The following HECTD2 variants were observed in gnomAD, a reference collection of about 807,000 sequenced individuals.
HECTD2 encodes HECT domain E3 ubiquitin protein ligase 2, also known as probable E3 ubiquitin-protein ligase HECTD2.
A neutral mutation model predicts 103.2 loss-of-function variants in HECTD2; 35 were observed. The observed-to-expected ratio is 0.34, with a 90% CI of 0.26 to 0.45. The LOEUF is 0.45. Ranked by LOEUF, HECTD2 falls within the 20% of genes least tolerant of loss-of-function variation. The probability of loss-of-function intolerance (pLI) is 1.00; values close to 1 mark genes in which losing one functional copy is unlikely to be tolerated. For synonymous variants in HECTD2, 281 were observed against 329.9 expected, an observed-to-expected ratio of 0.85 and a Z score of 1.61; for missense variants, 596 against 937.4, an observed-to-expected ratio of 0.64 and a Z score of 4.76.
intron 2 of HECTD2, among the ~76,000 whole-genome samples, chr10:91,428,675 G>C (rs932412443): frequency 2.4e-4 from 37 of 151,602 alleles, no homozygotes; most frequent in Non-Finnish European, 4.3e-4. Flanking sequence ...TTGGCTCTCT[G>C]TTTGTCTGTT....
In HECTD2 at chr10:91,425,321, G is replaced by A; in HGVS notation, c.179G>A (p.Ser60Asn). The change falls in exon 2 of 21, where the codon AGC (serine) becomes AAC (asparagine). Residue 60 changes from serine to asparagine, a missense_variant. Physicochemically the swap from Ser to Asn is conservative, Grantham distance 46. Transcript: ENST00000298068. ...GCCAAAGGCCAAATTTCCACTTTCA[G>A]CAGTTTTATTTCAGCTGTTAGCCCG... ...RGAKGQISTF[S>N]SFISAVSPKK... is the part of the protein sequence containing the mutation. The A allele has an allele frequency of 6.5e-7, 1 of 1,541,578 alleles. No homozygotes were observed. The highest frequency in any genetic ancestry group is 8.8e-7 in the Non-Finnish European group (1 of 1,137,512).
At chr10:91,482,306 T>C (rs1295608812) in intron 7 of HECTD2, among the ~76,000 whole-genome samples, 1 of 151,938 alleles carries the variant, frequency 6.6e-6, no homozygotes, top group East Asian at 1.9e-4. Context: ...TTCCATGATG[T>C]GCTGAAATGT....
At chr10:91,429,192 A>G (rs1029224750) in intron 2 of HECTD2, among the ~76,000 whole-genome samples, 3 of 151,902 alleles carry the variant, frequency 2.0e-5, no homozygotes, top group Admixed American at 1.3e-4. Flanking sequence ...ATTGATTTGC[A>G]TATATTGAAC....
At chr10:91,488,899 T>C (rs1283837751) in intron 11 of HECTD2, 2 of 152,128 alleles carry the variant, frequency 1.3e-5, no homozygotes, top group African/African-American at 4.8e-5. Context: ...GCACCAGAAT[T>C]GTTACTTGAT....
chr10:91,499,798 A>G (rs1846822514), intron 18 of HECTD2, among the ~76,000 whole-genome samples: 1 of 152,174 alleles, frequency 6.6e-6, no homozygotes, highest in Middle Eastern at 3.2e-3. Context: ...TTTCATTTGA[A>G]TTATTTTTCA....
chr10:91,504,043 C>A (rs1442345570), intron 20 of HECTD2, among the ~76,000 whole-genome samples: 2 of 152,126 alleles, frequency 1.3e-5, no homozygotes, highest in Non-Finnish European at 2.9e-5. Flanking sequence ...GCAGGGTACT[C>A]CAACAGACCT....
chr10:91,437,619 C>CTTTTTTTTTTTTTTTTTTTGTTT (rs1844179173), intron 2 of HECTD2, among the ~76,000 whole-genome samples: 1 of 87,422 alleles, frequency 1.1e-5, no homozygotes, highest in Non-Finnish European at 2.7e-5. Flanking sequence ...GATGGTTGTT[C>CTTTTTTTTTTTTTTTTTTTGTTT]TTTTTTTTTT....
chr10:91,507,600 C>T (rs1300378498), intron 20 of HECTD2, among the ~76,000 whole-genome samples: 6 of 150,774 alleles, frequency 4.0e-5, no homozygotes, highest in Non-Finnish European at 7.4e-5. Context: ...AACTACAAAC[C>T]GCTGCTCAAG....
At chr10:91,438,510 T>A (rs1489423066) in intron 2 of HECTD2, among the ~76,000 whole-genome samples, 1 of 150,988 alleles carries the variant, frequency 6.6e-6, no homozygotes, top group Admixed American at 6.6e-5. Flanking sequence ...GTTCCCAGTC[T>A]TTGCTATTGC....
chr10:91,429,607 C>G (rs1209011800), intron 2 of HECTD2, among the ~76,000 whole-genome samples: 4 of 152,004 alleles, frequency 2.6e-5, no homozygotes, highest in Admixed American at 1.3e-4. Context: ...TTAGTCTTGG[C>G]AGAGTGTATG....
chr10:91,453,288 C>T (rs1413412554), intron 2 of HECTD2, among the ~76,000 whole-genome samples: 1 of 152,032 alleles, frequency 6.6e-6, no homozygotes, highest in African/African-American at 2.4e-5. Context: ...AAAAATTAGT[C>T]AGGCTTTTGG....
intron 6 of HECTD2, 76 bp downstream of exon 6, chr10:91,478,341 G>T: frequency 1.1e-6 from 1 of 873,430 alleles, no homozygotes; most frequent in Non-Finnish European, 1.9e-6. Context: ...TAACACATGT[G>T]TATGTATTTT....
At chr10:91,417,431 T>G (rs1489790969) in intron 1 of HECTD2, among the ~76,000 whole-genome samples, 1 of 152,186 alleles carries the variant, frequency 6.6e-6, no homozygotes, top group East Asian at 1.9e-4. Flanking sequence ...GCAGTTCTGT[T>G]ACATATGTAT....
intron 2 of HECTD2, among the ~76,000 whole-genome samples, chr10:91,433,973 G>A (rs997048522): frequency 2.0e-5 from 3 of 151,962 alleles, no homozygotes; most frequent in African/African-American, 7.2e-5. Flanking sequence ...TAACTTTATA[G>A]AGAGGGGACT....
chr10:91,491,933 C>T (rs1193704073), intron 12 of HECTD2, among the ~76,000 whole-genome samples: 1 of 152,088 alleles, frequency 6.6e-6, no homozygotes, highest in East Asian at 1.9e-4. Context: ...AACTCCTGGT[C>T]TCAGGGTCTC....
rs867940798 is a variant in HECTD2 at position 91,508,778 on chromosome 10, A to G, written c.2211-3486A>G. The stretch of plus-strand genomic sequence containing the variant: ...ACCCAGCCATCCCATTACTGGGTAT[A>G]TACCCAAAGGACTATAAATCATGCT... On this transcript the variant is annotated intron_variant, in intron 20 of 20. Coordinates refer to ENST00000298068, the MANE Select transcript of HECTD2 (RefSeq NM_182765.6). 4.2e-3 allele frequency among the ~76,000 whole-genome samples: 631 copies of G among 151,950 alleles called. 5 individuals are homozygous for G. Among genetic ancestry groups the G allele is most frequent in the Non-Finnish European group, 5.6e-3 (379 of 68,014 alleles).
intron 5 of HECTD2, among the ~76,000 whole-genome samples, chr10:91,473,949 T>C (rs905772403): frequency 1.3e-5 from 2 of 152,172 alleles, no homozygotes; most frequent in Non-Finnish European, 2.9e-5. Flanking sequence ...GTCAACTGTA[T>C]TTATGTGTCA....
rs182081675 is a variant in HECTD2 at position 91,508,846 on chromosome 10, T to C, written c.2211-3418T>C. Among the ~76,000 whole-genome samples, 518 of 152,162 alleles carry C rather than the reference T, an allele frequency of 3.4e-3. 2 individuals carry two copies. The highest frequency in any genetic ancestry group is 7.1e-3 in the South Asian group (34 of 4,808). ...ACACATATGTTTATTGCGGTATTAT[T>C]CACAATAGCAAAGACTTGGAACCAA... On this transcript the variant is annotated intron_variant, in intron 20 of 20. Transcript: ENST00000298068.
chr10:91,466,685 A>G (rs1845542387), intron 5 of HECTD2, among the ~76,000 whole-genome samples: 1 of 152,162 alleles, frequency 6.6e-6, no homozygotes, highest in Non-Finnish European at 1.5e-5. Context: ...TGAGTTAACA[A>G]TTTATGTTCA....
Sources: allele counts gnomAD v4.1 joint callset (sites outside exome capture counted in the v4.1 genomes callset), GRCh38; gene constraint gnomAD v4.1.1; transcripts MANE v1.5; gene names NCBI Gene and HGNC (gene_info 2026-07-23, HGNC 2026-07-21).